The following CALN1 variants were observed in gnomAD, a reference collection of about 807,000 sequenced individuals.
CALN1 encodes the protein calcium-binding protein 8.
Under a neutral mutation model 30.6 loss-of-function variants are expected in CALN1, and 17 were observed. That is an observed-to-expected ratio of 0.56 (90% CI 0.38 to 0.83). The LOEUF (loss-of-function observed/expected upper bound fraction) is 0.83. CALN1 is among the 40% of genes least tolerant of loss of function. The pLI is 0.00. For synonymous variants in CALN1, 156 were observed against 131.4 expected (o/e 1.19, Z -1.28); for missense variants, 291 against 354.9 (o/e 0.82, Z 1.45).
chr7:72,086,890 G>T lies in CALN1; in HGVS notation c.388+19261C>A, dbSNP rs1805519756. ...ATTATCGTAAATTCAATTAAATAAGGGTCAAATAATAAAAGTCAAATAATG... is the reference window on the plus strand; with the variant it reads ...ATTATCGTAAATTCAATTAAATAAGTGTCAAATAATAAAAGTCAAATAATG... On this transcript the variant is annotated intron_variant, in intron 4 of 6. Coordinates refer to ENST00000395275, the MANE Select transcript of CALN1 (RefSeq NM_031468.4). 3.9e-5 allele frequency among the ~76,000 whole-genome samples: 6 copies of T among 151,960 alleles called. No homozygotes were observed. In the South Asian group the frequency reaches 1.2e-3, roughly 32 times the overall value.
At chr7:71,886,884 T>C (rs1792942838) in intron 5 of CALN1, among the ~76,000 whole-genome samples, 1 of 152,076 alleles carries the variant, frequency 6.6e-6, no homozygotes, top group African/African-American at 2.4e-5. Flanking sequence ...CACATTCTAC[T>C]GGGGCACAGA....
intron 5 of CALN1, among the ~76,000 whole-genome samples, chr7:71,836,194 C>T (rs189525319): frequency 1.1e-4 from 16 of 152,324 alleles, no homozygotes; most frequent in African/African-American, 1.9e-4. Flanking sequence ...CGCCTACCTG[C>T]GGATCCTGGA....
At position 72,219,231 on chromosome 7, in the gene CALN1, T is replaced by A. The variant is rs1457279501; in HGVS notation, c.244+59455A>T. 6.6e-4 allele frequency among the ~76,000 whole-genome samples: 101 copies of A among 152,120 alleles called. 1 individual carries two copies. The highest frequency in any genetic ancestry group is 1.0e-4 in the Non-Finnish European group (7 of 68,032). On this transcript the variant is annotated intron_variant, in intron 3 of 6. Coordinates refer to ENST00000395275, the MANE Select transcript of CALN1 (RefSeq NM_031468.4). Reference sequence around the variant, plus strand: ...GAGTCAAATGCCCGTCATTTTTTCTTCATTTTCTTAAGAGACAAGGTCTTG... The same window carrying A: ...GAGTCAAATGCCCGTCATTTTTTCTACATTTTCTTAAGAGACAAGGTCTTG...
At chr7:72,027,026 G>C (rs1162847987) in intron 4 of CALN1, among the ~76,000 whole-genome samples, 2 of 152,184 alleles carry the variant, frequency 1.3e-5, no homozygotes, top group Non-Finnish European at 2.9e-5. Context: ...ACATTCTCAA[G>C]AGTGACAGTA....
At chr7:72,401,907 C>CA (rs1806364618) in intron 2 of CALN1, among the ~76,000 whole-genome samples, 3 of 152,180 alleles carry the variant, frequency 2.0e-5, no homozygotes, top group Middle Eastern at 3.2e-3. Flanking sequence ...CAACATGCCC[C>CA]ACCCCCTTTT....
upstream of CALN1, among the ~76,000 whole-genome samples, chr7:72,416,979 C>A (rs1462964665): frequency 6.6e-6 from 1 of 152,162 alleles, no homozygotes; most frequent in Non-Finnish European, 1.5e-5. Flanking sequence ...GAAAGGTGTG[C>A]TTTGCCAAGG....
intron 2 of CALN1, among the ~76,000 whole-genome samples, chr7:72,375,568 GAA>G (rs34885674): frequency 7.3e-6 from 1 of 136,476 alleles, no homozygotes. Context: ...CTGCCTCCAG[GAA>G]AAAAAAAAAA....
intron 2 of CALN1, among the ~76,000 whole-genome samples, chr7:72,350,801 A>T (rs1409914780): frequency 6.6e-6 from 1 of 152,068 alleles, no homozygotes; most frequent in Admixed American, 6.6e-5. Flanking sequence ...AAAAATAAAT[A>T]AAAAAAATAC....
intron 3 of CALN1, among the ~76,000 whole-genome samples, chr7:72,143,531 A>T (rs1810114570): frequency 6.6e-6 from 1 of 152,242 alleles, no homozygotes; most frequent in South Asian, 2.1e-4. Context: ...GGAGAATGGA[A>T]CCAAGTTGGA....
chr7:71,931,839 T>C (rs895910141), intron 5 of CALN1, among the ~76,000 whole-genome samples: 3 of 150,854 alleles, frequency 2.0e-5, no homozygotes, highest in Non-Finnish European at 3.0e-5. Flanking sequence ...TCCCAAAGTG[T>C]AGAGGAGCCC....
At chr7:72,307,313 C>A (rs1264480296) in intron 2 of CALN1, among the ~76,000 whole-genome samples, 1 of 152,142 alleles carries the variant, frequency 6.6e-6, no homozygotes, top group East Asian at 1.9e-4. Context: ...GAGTTGACAG[C>A]ATGAGAATGT....
chr7:71,956,440 T>G (rs1309174170), intron 5 of CALN1, among the ~76,000 whole-genome samples: 1 of 152,028 alleles, frequency 6.6e-6, no homozygotes, highest in East Asian at 1.9e-4. Flanking sequence ...TGGGCATTAT[T>G]TCAATTTAAA....
At chr7:71,828,243 CTG>C (rs1789046885) in intron 5 of CALN1, among the ~76,000 whole-genome samples, 1 of 152,092 alleles carries the variant, frequency 6.6e-6, no homozygotes, top group Admixed American at 6.6e-5. Context: ...ATCTGACCCG[CTG>C]GAGTGCAGAA....
At chr7:72,033,810 GC>G (rs913592120) in intron 4 of CALN1, among the ~76,000 whole-genome samples, 2 of 152,164 alleles carry the variant, frequency 1.3e-5, no homozygotes, top group Non-Finnish European at 1.5e-5. Flanking sequence ...CCAGAACTTT[GC>G]TCACCAAAGA....
intron 3 of CALN1, among the ~76,000 whole-genome samples, chr7:72,118,747 T>G (rs1294735128): frequency 2.0e-5 from 3 of 152,076 alleles, no homozygotes; most frequent in Non-Finnish European, 4.4e-5. Flanking sequence ...AAATGACAAA[T>G]GACAAAATTC....
intron 5 of CALN1, among the ~76,000 whole-genome samples, chr7:71,819,241 TCTTG>T (rs1191046019): frequency 6.7e-6 from 1 of 149,194 alleles, no homozygotes; most frequent in Non-Finnish European, 1.5e-5. Context: ...AGGGTTTCAC[TCTTG>T]CTCCCCAGGC....
intron 2 of CALN1, among the ~76,000 whole-genome samples, chr7:72,307,933 G>A (rs1337202904): frequency 6.6e-6 from 1 of 152,100 alleles, no homozygotes; most frequent in Non-Finnish European, 1.5e-5. Flanking sequence ...ACCCAAGAGG[G>A]TGAGTTCACC....
At chr7:72,111,998 C>T (rs964726486) in intron 3 of CALN1, among the ~76,000 whole-genome samples, 3 of 151,952 alleles carry the variant, frequency 2.0e-5, no homozygotes, top group South Asian at 4.2e-4. Flanking sequence ...TGATCCACCC[C>T]CCTCTGCTTC....
chr7:72,171,781 G>C (rs540059563), intron 3 of CALN1, among the ~76,000 whole-genome samples: 1 of 152,254 alleles, frequency 6.6e-6, no homozygotes, highest in East Asian at 1.9e-4. Flanking sequence ...TTAGAGATCA[G>C]TAAACTAAGG....
Sources: allele counts gnomAD v4.1 joint callset (sites outside exome capture counted in the v4.1 genomes callset), GRCh38; gene constraint gnomAD v4.1.1; transcripts MANE v1.5; gene names NCBI Gene and HGNC (gene_info 2026-07-23, HGNC 2026-07-21).